MAML2: variants seen among roughly 807,000 people sequenced by gnomAD.
MAML2 encodes the protein mastermind-like protein 2.
Under a neutral mutation model 96.1 loss-of-function variants are expected in MAML2, and 22 were observed. The ratio of observed to expected loss-of-function variants is 0.23; its 90% CI spans 0.16 to 0.33. The LOEUF (loss-of-function observed/expected upper bound fraction) is 0.33. MAML2 is among the 10% of genes least tolerant of loss of function. The pLI is 1.00. For missense variants in MAML2, 1,367 were observed against 1,392.4 expected (o/e 0.98, Z 0.29); for synonymous variants, 561 against 521.3 (o/e 1.08, Z -1.04).
At chr11:96,032,149 A>G (rs1238851435) in intron 2 of MAML2, among the ~76,000 whole-genome samples, 1 of 152,146 alleles carries the variant, frequency 6.6e-6, no homozygotes, top group Non-Finnish European at 1.5e-5. Context: ...ATATGGATCA[A>G]CTGGAATACT....
chr11:96,230,844 C>T (rs1316223867), intron 1 of MAML2, among the ~76,000 whole-genome samples: 1 of 152,230 alleles, frequency 6.6e-6, no homozygotes, highest in Non-Finnish European at 1.5e-5. Context: ...TACTTCTCTA[C>T]CCAAATAGCG....
intron 1 of MAML2, among the ~76,000 whole-genome samples, chr11:96,219,952 A>G (rs1176219703): frequency 6.6e-6 from 1 of 152,194 alleles, no homozygotes; most frequent in Non-Finnish European, 1.5e-5. Flanking sequence ...ATCCCTCAGT[A>G]AAATGAGACT....
rs1860883029 is a variant in MAML2 at position 96,149,433 on chromosome 11, T to TG, written c.514-55917dup. Among the ~76,000 whole-genome samples, 3 of 1,564 alleles carry TG rather than the reference T, an allele frequency of 1.9e-3. 1 individual carries two copies. Among genetic ancestry groups the TG allele is most frequent in the Non-Finnish European group, 1.3e-3 (1 of 800 alleles). The allele number at this position is 1,564 out of a possible 152,430, so 1.0% of individuals were successfully genotyped here. ...CTCCGTCACAAAAAAAAAAAAAAAA[T>TG]GAGAAGTTAAGTTTTCAGCCAGGCG... On this transcript the variant is annotated intron_variant, in intron 1 of 4. Transcript: ENST00000524717.
chr11:95,987,121 T>C (rs1857840069), intron 3 of MAML2, among the ~76,000 whole-genome samples: 1 of 152,176 alleles, frequency 6.6e-6, no homozygotes, highest in African/African-American at 2.4e-5. Context: ...TTGGAAGCTG[T>C]CACAAAGTAA....
intron 2 of MAML2, among the ~76,000 whole-genome samples, chr11:96,076,815 G>A (rs761282149): frequency 5.9e-5 from 9 of 152,194 alleles, no homozygotes; most frequent in Non-Finnish European, 1.2e-4. Flanking sequence ...TCTTGCTGCT[G>A]TCTATAAATG....
intron 1 of MAML2, among the ~76,000 whole-genome samples, chr11:96,325,677 A>T (rs1591133635): frequency 1.3e-5 from 2 of 152,046 alleles, no homozygotes; most frequent in South Asian, 4.2e-4. Context: ...TCCTTCACAA[A>T]CCGTACCTTT....
At chr11:96,037,893 T>C (rs669776) in intron 2 of MAML2, among the ~76,000 whole-genome samples, 124,922 of 152,072 alleles carry the variant, frequency 0.82, 51,531 homozygotes, top group East Asian at 0.95. Context: ...CCCCAAGAGA[T>C]GGCTTGGCTA....
chr11:96,080,176 G>C (rs1168683077), intron 2 of MAML2, among the ~76,000 whole-genome samples: 3 of 152,164 alleles, frequency 2.0e-5, no homozygotes, highest in Non-Finnish European at 2.9e-5. Flanking sequence ...AAAGGGAAGA[G>C]GAAGAAAGGG....
At chr11:96,308,248 C>T (rs140026758) in intron 1 of MAML2, among the ~76,000 whole-genome samples, 19 of 151,928 alleles carry the variant, frequency 1.3e-4, no homozygotes, top group African/African-American at 4.6e-4. Flanking sequence ...GTAATTATAC[C>T]AAGATATTTC....
chr11:96,108,153 T>C (rs1175483895), intron 1 of MAML2, among the ~76,000 whole-genome samples: 1 of 152,172 alleles, frequency 6.6e-6, no homozygotes, highest in Non-Finnish European at 1.5e-5. Flanking sequence ...TCTGGTGCTA[T>C]CTCAGGTAGA....
intron 1 of MAML2, among the ~76,000 whole-genome samples, chr11:96,104,276 TAA>T (rs1565215799): frequency 6.6e-6 from 1 of 152,118 alleles, no homozygotes; most frequent in African/African-American, 2.4e-5. Flanking sequence ...AAATATAAAA[TAA>T]AAAAGATTAT....
chr11:96,074,983 A>C (rs1476405888), intron 2 of MAML2, among the ~76,000 whole-genome samples: 2 of 152,248 alleles, frequency 1.3e-5, no homozygotes, highest in Non-Finnish European at 2.9e-5. Context: ...ACAGAGTGGC[A>C]AAAGGAGTAG....
intron 1 of MAML2, among the ~76,000 whole-genome samples, chr11:96,271,702 G>A (rs1862917276): frequency 6.6e-6 from 1 of 150,752 alleles, no homozygotes; most frequent in Non-Finnish European, 1.5e-5. Context: ...CCTCAGCCCT[G>A]CTCAACTGTG....
chr11:96,106,122 A>G (rs1206912287), intron 1 of MAML2, among the ~76,000 whole-genome samples: 1 of 152,194 alleles, frequency 6.6e-6, no homozygotes, highest in Non-Finnish European at 1.5e-5. Flanking sequence ...CTTTGAAGCA[A>G]TGTCCTATAG....
At chr11:96,305,804 T>C (rs1005962065) in intron 1 of MAML2, among the ~76,000 whole-genome samples, 1 of 152,128 alleles carries the variant, frequency 6.6e-6, no homozygotes, top group African/African-American at 2.4e-5. Flanking sequence ...AAAACATCTG[T>C]CTCTATGCAA....
intron 1 of MAML2, among the ~76,000 whole-genome samples, chr11:96,163,017 AC>A (rs1290095012): frequency 6.6e-6 from 1 of 152,174 alleles, no homozygotes; most frequent in Non-Finnish European, 1.5e-5. Flanking sequence ...CTTTTGCAAA[AC>A]CCAGCTTTAG....
intron 2 of MAML2, among the ~76,000 whole-genome samples, chr11:96,025,240 C>G (rs543446987): frequency 1.3e-5 from 2 of 152,280 alleles, no homozygotes; most frequent in African/African-American, 4.8e-5. Context: ...AAAATCATAT[C>G]CATTGCAGCA....
At chr11:96,149,684 A>C (rs1237431857) in intron 1 of MAML2, among the ~76,000 whole-genome samples, 1 of 152,158 alleles carries the variant, frequency 6.6e-6, no homozygotes, top group East Asian at 1.9e-4. Context: ...CAGTAAGCTG[A>C]GATCACGCCA....
chr11:96,247,536 A>G (rs1277006365), intron 1 of MAML2, among the ~76,000 whole-genome samples: 1 of 152,152 alleles, frequency 6.6e-6, no homozygotes, highest in Non-Finnish European at 1.5e-5. Context: ...CCCTGTTTAA[A>G]TACAACTTTG....
Sources: gnomAD v4.1 joint callset for allele counts (sites outside exome capture counted in the v4.1 genomes callset) on GRCh38, gnomAD v4.1.1 for gene constraint, MANE v1.5 for transcripts, NCBI Gene and HGNC (gene_info 2026-07-23, HGNC 2026-07-21) for gene names.